The following PRDM16 variants were observed in gnomAD, a reference collection of about 807,000 sequenced individuals.
PRDM16 encodes the protein PR/SET domain 16.
Under a neutral mutation model 110.6 loss-of-function variants are expected in PRDM16, and 23 were observed. The ratio of observed to expected loss-of-function variants is 0.21; its 90% CI spans 0.15 to 0.29. The LOEUF (loss-of-function observed/expected upper bound fraction) is 0.29, where lower values mean the gene tolerates loss of function less well. Ranked by LOEUF, PRDM16 falls within the 10% of genes least tolerant of loss-of-function variation. The pLI, the probability that PRDM16 is intolerant of heterozygous loss-of-function variation, is 1.00. For missense variants in PRDM16, 1,615 were observed against 1,794.3 expected (o/e 0.90, Z 1.81); for synonymous variants, 799 against 781.8 (o/e 1.02, Z -0.37).
rs527677294 is a variant in PRDM16, at chr1:3,221,445, G to A, written c.388-22642G>A. On this transcript the variant is annotated intron_variant, in intron 2 of 16. Transcript: ENST00000270722. ...TGCTGTGTTTGCACAAATGACAGGC[G>A]CTTGCAGCTGGCCTCACTGGGGAGA... Among the ~76,000 whole-genome samples, 4 of 152,356 alleles carry A rather than the reference G, an allele frequency of 2.6e-5. No homozygotes were observed. In the South Asian group the frequency reaches 8.3e-4, roughly 32 times the overall value.
At chr1:3,152,774 T>C (rs1643800347) in intron 1 of PRDM16, among the ~76,000 whole-genome samples, 1 of 152,176 alleles carries the variant, frequency 6.6e-6, no homozygotes, top group South Asian at 2.1e-4. Context: ...CGTGGGTCCT[T>C]GGCTTCAGAG....
At chr1:3,115,120 C>T (rs1642926142) in intron 1 of PRDM16, among the ~76,000 whole-genome samples, 1 of 152,262 alleles carries the variant, frequency 6.6e-6, no homozygotes, top group African/African-American at 2.4e-5. Context: ...CTGCCCCGCT[C>T]CTCCCACATC....
At chr1:3,286,981 ACCTTCCTGGGTGCTGAGTCTGCCCAC>A (rs1423845431) in intron 3 of PRDM16, among the ~76,000 whole-genome samples, 4 of 143,944 alleles carry the variant, frequency 2.8e-5, no homozygotes, top group South Asian at 2.2e-4. Flanking sequence ...GGTCTGCCCA[ACCTTCCTGGGTGCTGAGTCTGCCCAC>A]CCTTCCTGGG....
At chr1:3,218,157 C>T (rs575413405) in intron 2 of PRDM16, among the ~76,000 whole-genome samples, 38 of 152,356 alleles carry the variant, frequency 2.5e-4, no homozygotes, top group African/African-American at 4.1e-4. Context: ...CCTGGCGTGA[C>T]GGCCAGAGGA....
intron 1 of PRDM16, among the ~76,000 whole-genome samples, chr1:3,110,823 G>A (rs903381331): frequency 1.1e-4 from 16 of 152,176 alleles, no homozygotes; most frequent in Non-Finnish European, 2.1e-4. Context: ...TGGAGGCCAC[G>A]TGTGAGGGGC....
intron 1 of PRDM16, among the ~76,000 whole-genome samples, chr1:3,127,225 C>T (rs1643227520): frequency 6.6e-6 from 1 of 152,256 alleles, no homozygotes; most frequent in African/African-American, 2.4e-5. Flanking sequence ...CGCTTGACCT[C>T]TCATGGTTTC....
intron 2 of PRDM16, chr1:3,207,669 T>C (rs1248468242): frequency 6.6e-6 from 1 of 152,372 alleles, no homozygotes; most frequent in Non-Finnish European, 1.5e-5. Context: ...ACGTGCTGGC[T>C]GTGGTCTCCC....
rs1204764014 is a variant in PRDM16 at position 3,433,947 on chromosome 1, C to A, written c.*136C>A. The A allele has an allele frequency of 1.1e-6, 1 of 870,390 alleles. No individual in the cohort carries two copies. Among genetic ancestry groups the A allele is most frequent in the Non-Finnish European group, 1.7e-6 (1 of 580,890 alleles). The allele number at this position is 870,390 out of a possible 1,614,324, so 53.9% of individuals were successfully genotyped here. ...TCCTCCCCACCCACCATGGTTCATT[C>A]CGACTTTTCCAATGGAAACTCAGAT... On this transcript the variant is annotated 3_prime_UTR_variant, in exon 17 of 17. Transcript: ENST00000270722.
intron 1 of PRDM16, among the ~76,000 whole-genome samples, chr1:3,083,661 C>G (rs529547651): frequency 1.3e-5 from 2 of 151,916 alleles, no homozygotes; most frequent in Non-Finnish European, 2.9e-5. Flanking sequence ...ATCCTGCCCT[C>G]GGGGGTTTCC....
At chr1:3,085,247 G>A (rs1259270158) in intron 1 of PRDM16, among the ~76,000 whole-genome samples, 1 of 152,190 alleles carries the variant, frequency 6.6e-6, no homozygotes, top group Non-Finnish European at 1.5e-5. Context: ...GGTGGGTGCT[G>A]GGAGGGTCTC....
chr1:3,315,457 G>A (rs1641579830), intron 3 of PRDM16, among the ~76,000 whole-genome samples: 1 of 152,112 alleles, frequency 6.6e-6, no homozygotes, highest in South Asian at 2.1e-4. Flanking sequence ...GGGCCGGGTA[G>A]GAAGAGCTTC....
chr1:3,234,475 G>A (rs898344497), intron 2 of PRDM16, among the ~76,000 whole-genome samples: 30 of 152,270 alleles, frequency 2.0e-4, no homozygotes, highest in African/African-American at 7.0e-4. Flanking sequence ...CCTGTGCCTC[G>A]AGGCCCAGGT....
chr1:3,420,988 T>C (rs2493283), intron 12 of PRDM16, among the ~76,000 whole-genome samples: 14,838 of 152,148 alleles, frequency 0.098, 814 homozygotes, highest in Middle Eastern at 0.21. Context: ...TAGTCTGCCG[T>C]GTGCTTCCAT....
chr1:3,186,054 G>A (rs538712462), intron 1 of PRDM16, 71 bp from the exon 2 acceptor site: 32 of 1,337,552 alleles, frequency 2.4e-5, no homozygotes, highest in African/African-American at 1.4e-4. Flanking sequence ...CCGAGTCCCC[G>A]GCGCTCCCTG....
Position 3,412,368 on chromosome 1 carries a change from C to A in PRDM16, c.2171C>A (p.Ala724Glu). 6.2e-7 allele frequency: 1 copy of A among 1,613,526 alleles called. No homozygotes were observed. Reference sequence around the variant, plus strand: ...CTGGGCTCGCTCCCCTACCACTCGGCGTTCCCCTTCCAGTTCCTGCCCAAC... The same window carrying A: ...CTGGGCTCGCTCCCCTACCACTCGGAGTTCCCCTTCCAGTTCCTGCCCAAC... Reference protein sequence around the residue: ...KKLGSLPYHSAFPFQFLPNFP... With the variant: ...KKLGSLPYHSEFPFQFLPNFP... The change falls in exon 9 of 17, where the codon GCG becomes GAG. Residue 724 changes from alanine to glutamate, a missense_variant. By Grantham distance (107) the Ala-to-Glu change is moderately radical. Coordinates refer to ENST00000270722, the MANE Select transcript of PRDM16 (RefSeq NM_022114.4).
chr1:3,279,565 TGACAAAAGGAAAGACTTGAGCAA>T (rs1640666090), intron 3 of PRDM16, among the ~76,000 whole-genome samples: 1 of 152,140 alleles, frequency 6.6e-6, no homozygotes, highest in Non-Finnish European at 1.5e-5. Flanking sequence ...TCTCTGTGGA[TGACAAAAGGAAAGACTTGAGCAA>T]GAGGCTCTGA....
intron 1 of PRDM16, among the ~76,000 whole-genome samples, chr1:3,132,210 G>C (rs546739621): frequency 6.6e-6 from 1 of 152,164 alleles, no homozygotes; most frequent in African/African-American, 2.4e-5. Context: ...GTTACACGGC[G>C]GTGCCACGGA....
At position 3,327,307 on chromosome 1, in the gene PRDM16, C is replaced by G. The variant is rs532148005; in HGVS notation, c.439-57845C>G. 5.3e-5 allele frequency among the ~76,000 whole-genome samples: 8 copies of G among 152,274 alleles called. No individual in the cohort carries two copies. In the East Asian group the frequency reaches 1.6e-3, roughly 30 times the overall value. On this transcript the variant is annotated intron_variant, in intron 3 of 16. Coordinates refer to ENST00000270722, the MANE Select transcript of PRDM16 (RefSeq NM_022114.4). Reference sequence around the variant, plus strand: ...TGCTGGAGGAGGCGGCACCACAGGCCGGCTGGAGAGGCTGTTTCCAAGGAG... The same window carrying G: ...TGCTGGAGGAGGCGGCACCACAGGCGGGCTGGAGAGGCTGTTTCCAAGGAG...
intron 5 of PRDM16, among the ~76,000 whole-genome samples, chr1:3,401,767 G>A (rs569640251): frequency 1.3e-5 from 2 of 152,300 alleles, no homozygotes; most frequent in African/African-American, 2.4e-5. Flanking sequence ...ACAGAAACAC[G>A]TGCATTCACA....
Sources: gnomAD v4.1 joint callset for allele counts (sites outside exome capture counted in the v4.1 genomes callset) on GRCh38, gnomAD v4.1.1 for gene constraint, MANE v1.5 for transcripts, NCBI Gene and HGNC (gene_info 2026-07-23, HGNC 2026-07-21) for gene names.